TRIB2: variants seen among roughly 807,000 people sequenced by gnomAD.
The protein encoded by TRIB2 is tribbles homolog 2.
Under a neutral mutation model 26.8 loss-of-function variants are expected in TRIB2, and 2 were observed. The ratio of observed to expected loss-of-function variants is 0.07; its 90% CI spans 0.03 to 0.24. TRIB2 has a LOEUF of 0.24. Among genes scored for constraint, TRIB2 ranks in the 10% least tolerant of loss-of-function variants. The pLI is 1.00. For missense variants in TRIB2, 306 were observed against 449.0 expected, an observed-to-expected ratio of 0.68 and a Z score of 2.88; for synonymous variants, 189 against 187.3, an observed-to-expected ratio of 1.01 and a Z score of -0.08.
At chr2:12,737,650 A>T (rs916441827) in intron 2 of TRIB2, among the ~76,000 whole-genome samples, 6 of 152,246 alleles carry the variant, frequency 3.9e-5, no homozygotes, top group African/African-American at 1.2e-4. Context: ...TATGTATTCT[A>T]TAGATTATAA....
chr2:12,737,586 GCA>G, intron 2 of TRIB2: 1 of 154,558 alleles, frequency 6.5e-6, no homozygotes, highest in Non-Finnish European at 1.5e-5. Context: ...TTCCAGATTA[GCA>G]CATGTAGATC....
chr2:12,717,592 C>T lies in TRIB2; in HGVS notation c.-716C>T, dbSNP rs1666620365. 5.0e-6 allele frequency: 2 copies of T among 397,838 alleles called. No homozygotes were observed. The highest frequency in any genetic ancestry group is 8.9e-6 in the Non-Finnish European group (2 of 225,770). 24.6% of individuals were successfully genotyped at this position (397,838 alleles called of 1,614,324 possible). ...AGCGCTGACCGCACCAAGTTAAATGCTCCCTTGCAATTTTTCTTTTTTTTG... is the reference window on the plus strand; with the variant it reads ...AGCGCTGACCGCACCAAGTTAAATGTTCCCTTGCAATTTTTCTTTTTTTTG... On this transcript the variant is annotated 5_prime_UTR_variant, in exon 1 of 3. Transcript: ENST00000155926. This position sits in a 1 kb window ranked among gnomAD's most constrained non-coding sequence, Gnocchi z 4.8.
intron 1 of TRIB2, among the ~76,000 whole-genome samples, chr2:12,719,563 A>T (rs1483715553): frequency 1.4e-5 from 2 of 145,140 alleles, no homozygotes; most frequent in African/African-American, 2.6e-5. Flanking sequence ...ACTTAATTTT[A>T]GATTTGCTGA....
chr2:12,721,871 G>T (rs1261683632), intron 1 of TRIB2, among the ~76,000 whole-genome samples: 4 of 152,164 alleles, frequency 2.6e-5, no homozygotes, highest in Admixed American at 2.6e-4. Flanking sequence ...GCAGTCTGTG[G>T]CTTTGGATGG....
rs903027400 is a variant in TRIB2 at position 12,732,226 on chromosome 2, C to T, written c.564-8100C>T. 6.6e-6 allele frequency among the ~76,000 whole-genome samples: 1 copy of T among 152,068 alleles called. No individual in the cohort carries two copies. Among genetic ancestry groups the T allele is most frequent in the African/African-American group, 2.4e-5 (1 of 41,388 alleles). ...GATGGGAGTCGGGCAGGAATGTGCA[C>T]CTGCATGCGGACAGGGCAGGGATTC... On this transcript the variant is annotated intron_variant, in intron 2 of 2. Coordinates refer to ENST00000155926, the MANE Select transcript of TRIB2 (RefSeq NM_021643.4). The surrounding 1 kb of genome is among the most constrained non-coding windows in gnomAD (Gnocchi z 4.2).
rs555807023 is a variant in TRIB2, at chr2:12,732,900, G to A, written c.564-7426G>A. Among the ~76,000 whole-genome samples, 35 of 152,314 alleles carry A rather than the reference G, an allele frequency of 2.3e-4. No homozygotes were observed. Among genetic ancestry groups the A allele is most frequent in the African/African-American group, 8.2e-4 (34 of 41,566 alleles). On this transcript the variant is annotated intron_variant, in intron 2 of 2. Coordinates refer to ENST00000155926, the MANE Select transcript of TRIB2 (RefSeq NM_021643.4). The surrounding 1 kb of genome is among the most constrained non-coding windows in gnomAD (Gnocchi z 4.2). ...TTAAGCCTATCTGGACCGCCTGACT[G>A]GACGGCCTTCAGTGACTTCTCTGGA...
intron 2 of TRIB2, among the ~76,000 whole-genome samples, chr2:12,724,430 G>A (rs1661293207): frequency 6.6e-6 from 1 of 152,206 alleles, no homozygotes; most frequent in African/African-American, 2.4e-5. Context: ...TTAAGAATAT[G>A]AGTTTAGAGG....
At chr2:12,723,173 C>T in intron 1 of TRIB2, 87 bp from the exon 2 acceptor site, 1 of 1,434,890 alleles carries the variant, frequency 7.0e-7, no homozygotes, top group African/African-American at 1.4e-5. Flanking sequence ...ATCTCAAAAG[C>T]CCATACCTGT....
At chr2:12,735,598 A>G (rs1462286841) in intron 2 of TRIB2, among the ~76,000 whole-genome samples, 4 of 152,170 alleles carry the variant, frequency 2.6e-5, no homozygotes, top group Non-Finnish European at 4.4e-5. Context: ...CTGCCTTGGA[A>G]ATGGATCTCC....
chr2:12,727,506 G>C (rs1204550335), intron 2 of TRIB2, among the ~76,000 whole-genome samples: 1 of 152,194 alleles, frequency 6.6e-6, no homozygotes, highest in Non-Finnish European at 1.5e-5. Flanking sequence ...AGTGCACCTG[G>C]TCTGGAACCT....
At chr2:12,735,643 G>A (rs566663312) in intron 2 of TRIB2, among the ~76,000 whole-genome samples, 5 of 152,236 alleles carry the variant, frequency 3.3e-5, no homozygotes, top group East Asian at 1.9e-4. Context: ...TAAGTGCCTC[G>A]CATGCATTAG....
In TRIB2 at chr2:12,732,676, T is replaced by A. The variant is rs549692285; in HGVS notation, c.564-7650T>A. Among the ~76,000 whole-genome samples the A allele has an allele frequency of 2.6e-5, 4 of 152,350 alleles. No homozygotes were observed. Among genetic ancestry groups the A allele is most frequent in the African/African-American group, 9.6e-5 (4 of 41,576 alleles). On this transcript the variant is annotated intron_variant, in intron 2 of 2. Coordinates refer to ENST00000155926, the MANE Select transcript of TRIB2 (RefSeq NM_021643.4). The surrounding 1 kb of genome is among the most constrained non-coding windows in gnomAD (Gnocchi z 4.2). ...CGACAATTTATTTGGCATCGTTTAGTGGCCTGTGACGTTCTAATGCAGCTG... is the reference window on the plus strand; with the variant it reads ...CGACAATTTATTTGGCATCGTTTAGAGGCCTGTGACGTTCTAATGCAGCTG...
chr2:12,722,581 A>G (rs1443000398), intron 1 of TRIB2, among the ~76,000 whole-genome samples: 1 of 152,226 alleles, frequency 6.6e-6, no homozygotes, highest in African/African-American at 2.4e-5. Context: ...AAATCATTGC[A>G]TAACTGGTTC....
chr2:12,725,903 C>T (rs1488464256), intron 2 of TRIB2, among the ~76,000 whole-genome samples: 2 of 152,216 alleles, frequency 1.3e-5, no homozygotes, highest in African/African-American at 4.8e-5. Flanking sequence ...GAGGCTGATG[C>T]CCTGTAGGAC....
intron 2 of TRIB2, among the ~76,000 whole-genome samples, chr2:12,736,464 T>A (rs1661574004): frequency 6.6e-6 from 1 of 151,962 alleles, no homozygotes; most frequent in African/African-American, 2.4e-5. Flanking sequence ...ATGCCTGATA[T>A]CCCCACCCCC....
chr2:12,723,510 G>A lies in TRIB2; in HGVS notation c.521G>A (p.Arg174Gln), dbSNP rs759509033. Residue 174 changes from arginine to glutamine, a missense_variant, in exon 2 of 3, where the codon CGG (arginine) becomes CAG (glutamine). Arg to Gln is a conservative substitution (Grantham distance 43). Around this residue, in one of 4 missense-constraint regions of TRIB2, gnomAD observed 118 missense variants for 188.8 expected, o/e 0.63. Coordinates refer to ENST00000155926, the MANE Select transcript of TRIB2 (RefSeq NM_021643.4). ...TGCCATGACGGGGGGCTGGTGCTGC[G>A]GGACCTCAAGCTGCGGAAATTCATC... The part of the protein sequence containing the change: ...AHCHDGGLVL[R>Q]DLKLRKFIFK... The A allele has an allele frequency of 2.5e-6, 4 of 1,613,996 alleles. No individual in the cohort carries two copies. Among genetic ancestry groups the A allele is most frequent in the African/African-American group, 1.3e-5 (1 of 74,904 alleles).
intron 2 of TRIB2, among the ~76,000 whole-genome samples, chr2:12,731,097 G>A (rs188115270): frequency 2.0e-5 from 3 of 152,348 alleles, no homozygotes; most frequent in East Asian, 1.9e-4. Flanking sequence ...CCTAATGGAT[G>A]TAATCATTAT....
In TRIB2 at chr2:12,730,162, A is replaced by G. The variant is rs145951347; in HGVS notation, c.563+6610A>G. On this transcript the variant is annotated intron_variant, in intron 2 of 2. Transcript: ENST00000155926. ...AATGAAATAATATCTAGGGCCCACC[A>G]TGTGTTTTACTCATAACATGTGATT... Among the ~76,000 whole-genome samples, 44 of 152,336 alleles carry G rather than the reference A, an allele frequency of 2.9e-4. No individual in the cohort carries two copies. In the East Asian group the frequency reaches 6.4e-3, roughly 22 times the overall value.
At chr2:12,727,324 A>G (rs1472058367) in intron 2 of TRIB2, among the ~76,000 whole-genome samples, 1 of 152,208 alleles carries the variant, frequency 6.6e-6, no homozygotes, top group East Asian at 1.9e-4. Context: ...AAATAGTACC[A>G]TTATGGGAGA....
Sources: allele counts gnomAD v4.1 joint callset (sites outside exome capture counted in the v4.1 genomes callset), GRCh38; gene constraint gnomAD v4.1.1; regional missense constraint gnomAD v4.1.1; non-coding constraint Gnocchi (gnomAD v3.1); transcripts MANE v1.5; gene names NCBI Gene and HGNC (gene_info 2026-07-23, HGNC 2026-07-21).